Variants in TBCK observed in about 807,000 individuals in gnomAD.
TBCK encodes TBC1 domain containing kinase.
A neutral mutation model predicts 113.4 loss-of-function variants in TBCK; 99 were observed. The observed-to-expected ratio is 0.87, with a 90% CI of 0.74 to 1.03. The LOEUF (loss-of-function observed/expected upper bound fraction) is 1.03. TBCK is among the 50% of genes least tolerant of loss of function. The pLI, the probability that TBCK is intolerant of heterozygous loss-of-function variation, is 0.00. For synonymous variants in TBCK, 369 were observed against 370.8 expected, an observed-to-expected ratio of 1.00 and a Z score of 0.05; for missense variants, 1,045 against 1,061.3, an observed-to-expected ratio of 0.98 and a Z score of 0.21.
chr4:106,101,885 G>A (rs2149531426), intron 24 of TBCK, among the ~76,000 whole-genome samples: 1 of 152,252 alleles, frequency 6.6e-6, no homozygotes. Context: ...GTTTGCTTGT[G>A]TATTACCATG....
intron 3 of TBCK, among the ~76,000 whole-genome samples, chr4:106,281,724 T>A (rs1423378993): frequency 6.6e-6 from 1 of 152,148 alleles, no homozygotes; most frequent in Admixed American, 6.5e-5. Flanking sequence ...GTTAATTGAT[T>A]TGCGTATGTT....
At chr4:106,108,127 C>A (rs1742394008) in intron 24 of TBCK, among the ~76,000 whole-genome samples, 1 of 151,440 alleles carries the variant, frequency 6.6e-6, no homozygotes, top group African/African-American at 2.4e-5. Flanking sequence ...GCCTACCAAC[C>A]AAAAAAAACC....
intron 25 of TBCK, among the ~76,000 whole-genome samples, chr4:106,064,772 T>A (rs1306273036): frequency 6.6e-6 from 1 of 152,018 alleles, no homozygotes; most frequent in African/African-American, 2.4e-5. Flanking sequence ...ATAAAAACAC[T>A]AATTGGAGCT....
At chr4:106,134,010 C>CA (rs1553938263) in intron 23 of TBCK, among the ~76,000 whole-genome samples, 13 of 131,644 alleles carry the variant, frequency 9.9e-5, no homozygotes, top group Non-Finnish European at 9.8e-5. Context: ...GATTCCGTCT[C>CA]AAACAAAAAC....
chr4:106,259,638 C>A (rs1762315099), intron 5 of TBCK, among the ~76,000 whole-genome samples: 1 of 151,780 alleles, frequency 6.6e-6, no homozygotes, highest in African/African-American at 2.4e-5. Flanking sequence ...CACATATATG[C>A]TCGGAGAAAA....
intron 2 of TBCK, among the ~76,000 whole-genome samples, chr4:106,295,684 G>C (rs574619423): frequency 6.2e-4 from 94 of 152,220 alleles, no homozygotes; most frequent in African/African-American, 2.2e-3. Flanking sequence ...AACGCAGGGG[G>C]TTCTTAAAGG....
At chr4:106,231,912 T>C in intron 17 of TBCK, 133 bp from the exon 18 acceptor site, 2 of 789,512 alleles carry the variant, frequency 2.5e-6, no homozygotes, top group Non-Finnish European at 4.1e-6. Context: ...TCCAGAAATA[T>C]GTTACTTCAT....
intron 3 of TBCK, among the ~76,000 whole-genome samples, chr4:106,274,785 T>C (rs1230782981): frequency 6.6e-6 from 1 of 152,122 alleles, no homozygotes; most frequent in African/African-American, 2.4e-5. Context: ...GCCACTGAAT[T>C]TTCCCTTTCA....
At chr4:106,238,802 G>T (rs988883846) in intron 12 of TBCK, 6 of 152,104 alleles carry the variant, frequency 3.9e-5, no homozygotes, top group African/African-American at 1.4e-4. Context: ...CGAATACAGG[G>T]AATCACAGCT....
intron 3 of TBCK, among the ~76,000 whole-genome samples, chr4:106,273,753 A>G (rs1763738516): frequency 6.6e-6 from 1 of 152,276 alleles, no homozygotes; most frequent in African/African-American, 2.4e-5. Flanking sequence ...AAACTGGAAA[A>G]GGAACAGAAG....
intron 22 of TBCK, among the ~76,000 whole-genome samples, chr4:106,175,812 T>C (rs970559882): frequency 6.6e-6 from 1 of 152,182 alleles, no homozygotes; most frequent in African/African-American, 2.4e-5. Context: ...GTGCATGCTC[T>C]ACATATAACT....
chr4:106,068,459 C>T (rs10018446), intron 25 of TBCK, among the ~76,000 whole-genome samples: 13 of 152,114 alleles, frequency 8.5e-5, no homozygotes, highest in African/African-American at 2.9e-4. Flanking sequence ...TCATCTATGT[C>T]CCTAGAGAAG....
intron 20 of TBCK, among the ~76,000 whole-genome samples, chr4:106,207,753 CAAAGAA>C (rs911420916): frequency 6.6e-6 from 1 of 151,972 alleles, no homozygotes; most frequent in African/African-American, 2.4e-5. Context: ...AAAACAAACA[CAAAGAA>C]AAAGATTTCA....
In TBCK at chr4:106,236,429, G is replaced by T; in HGVS notation, c.1311C>A (p.Tyr437Ter). 1 of 1,558,046 alleles carries T rather than the reference G, an allele frequency of 6.4e-7. No homozygotes were observed. The highest frequency in any genetic ancestry group is 8.7e-7 in the Non-Finnish European group (1 of 1,151,102). Residue 437 changes from tyrosine (Y) to a stop codon, truncating the protein, a stop_gained, in exon 14 of 26, where the codon TAC (tyrosine) becomes TAA (stop). Coordinates refer to ENST00000394708, the MANE Select transcript of TBCK (RefSeq NM_001163435.3). LOFTEE classifies it high-confidence loss of function. The stretch of plus-strand genomic sequence containing the variant: ...CGAAGAGAATAATTCTATTTAGTTG[G>T]TACTCTGTATCCTTCTCTCTGATGA... Reference protein sequence around the residue: ...PLIIREKDTEYQLNRIILFDR... With the variant: ...PLIIREKDTE
intron 23 of TBCK, among the ~76,000 whole-genome samples, chr4:106,139,229 G>T (rs1253767818): frequency 7.1e-6 from 1 of 141,038 alleles, no homozygotes; most frequent in East Asian, 2.0e-4. Flanking sequence ...CCCTGAGGAA[G>T]AAAGTCTGGA....
intron 3 of TBCK, among the ~76,000 whole-genome samples, chr4:106,270,746 T>C (rs1763399996): frequency 6.6e-6 from 1 of 152,220 alleles, no homozygotes; most frequent in Admixed American, 6.5e-5. Context: ...TAATATGGAT[T>C]GCTTATTACA....
intron 25 of TBCK, among the ~76,000 whole-genome samples, chr4:106,091,696 C>T (rs1403681674): frequency 1.3e-5 from 2 of 152,124 alleles, no homozygotes; most frequent in African/African-American, 2.4e-5. Context: ...GTGAGTGTTA[C>T]AGCTCATAAA....
At chr4:106,193,938 T>C (rs947135760) in intron 21 of TBCK, among the ~76,000 whole-genome samples, 168 bp from the exon 22 acceptor site, 2 of 152,162 alleles carry the variant, frequency 1.3e-5, no homozygotes, top group Non-Finnish European at 2.9e-5. Context: ...TTTGAAAATT[T>C]ATAGCTTCCT....
intron 25 of TBCK, among the ~76,000 whole-genome samples, chr4:106,047,658 T>G (rs1734362698): frequency 6.6e-6 from 1 of 152,206 alleles, no homozygotes; most frequent in Non-Finnish European, 1.5e-5. Flanking sequence ...TTATTTAAAT[T>G]ATCCATTTAA....
Sources: allele counts gnomAD v4.1 joint callset (sites outside exome capture counted in the v4.1 genomes callset), GRCh38; gene constraint gnomAD v4.1.1; transcripts MANE v1.5; gene names NCBI Gene and HGNC (gene_info 2026-07-23, HGNC 2026-07-21).